The following PHYH variants were observed in gnomAD, a reference collection of about 807,000 sequenced individuals.
The protein encoded by PHYH is phytanoyl-CoA dioxygenase, peroxisomal.
PHYH carries 32 observed loss-of-function variants against 38.5 expected under a neutral mutation model. The ratio of observed to expected loss-of-function variants is 0.83; its 90% CI spans 0.63 to 1.12. The LOEUF (loss-of-function observed/expected upper bound fraction) is 1.12. PHYH is among the 50% of genes most tolerant of loss of function. The pLI is 0.00. For synonymous variants in PHYH, 166 were observed against 157.9 expected (o/e 1.05, Z -0.38); for missense variants, 426 against 434.8 (o/e 0.98, Z 0.18).
chr10:13,296,846 G>A (rs1050812505), intron 2 of PHYH, among the ~76,000 whole-genome samples: 21 of 151,160 alleles, frequency 1.4e-4, no homozygotes, highest in African/African-American at 4.6e-4. Context: ...TCCAGCTACT[G>A]GAGAGGCTGA....
At chr10:13,299,378 C>T (rs3802586) in intron 1 of PHYH, 412,563 of 967,452 alleles carry the variant, frequency 0.43, 92,216 homozygotes, top group East Asian at 0.68. Flanking sequence ...CCAGAAGAGC[C>T]GAGACAACAG....
At chr10:13,293,498 C>T (rs529997945) in intron 4 of PHYH, among the ~76,000 whole-genome samples, 222 of 152,190 alleles carry the variant, frequency 1.5e-3, no homozygotes, top group African/African-American at 5.2e-3. Context: ...GACTGGGTTT[C>T]ACCATGTGTC....
At chr10:13,290,325 A>G (rs1835675977) in intron 5 of PHYH, among the ~76,000 whole-genome samples, 1 of 151,920 alleles carries the variant, frequency 6.6e-6, no homozygotes, top group Non-Finnish European at 1.5e-5. Flanking sequence ...AAGTTATCTA[A>G]GAGGTCCTCA....
In PHYH at chr10:13,282,605, AAAG is replaced by A. The variant is rs1473869261; in HGVS notation, c.828+1082_828+1084del. 9.5e-4 allele frequency among the ~76,000 whole-genome samples: 141 copies of A among 148,344 alleles called. 8 individuals are homozygous for A. Among genetic ancestry groups the A allele is most frequent in the East Asian group, 1.8e-3 (9 of 5,086 alleles). ...AGACTCCACCTCAAAAAAAAAAAAA[AAAG>A]AAAAAAGGAAAATTGCCAAGTCTAT... On this transcript the variant is annotated intron_variant, in intron 7 of 8. Coordinates refer to ENST00000263038, the MANE Select transcript of PHYH (RefSeq NM_006214.4).
intron 4 of PHYH, among the ~76,000 whole-genome samples, chr10:13,293,334 G>A (rs754652847): frequency 7.2e-5 from 11 of 151,792 alleles, no homozygotes; most frequent in Admixed American, 1.3e-4. Context: ...ATGGAGTCTC[G>A]CTCTGTTGCC....
At chr10:13,285,606 CT>C (rs36040564) in intron 6 of PHYH, among the ~76,000 whole-genome samples, 133 of 127,488 alleles carry the variant, frequency 1.0e-3, no homozygotes, top group Admixed American at 1.7e-3. Flanking sequence ...CTTTTCTTTT[CT>C]TTTTTTTTTT....
At chr10:13,299,364 G>T in intron 1 of PHYH, 1 of 895,430 alleles carries the variant, frequency 1.1e-6, no homozygotes, top group East Asian at 1.2e-4. Context: ...CCTGGCCTTG[G>T]CCCCCAGAAG....
At chr10:13,286,014 C>T (rs1835540436) in intron 6 of PHYH, among the ~76,000 whole-genome samples, 1 of 151,402 alleles carries the variant, frequency 6.6e-6, no homozygotes, top group African/African-American at 2.4e-5. Context: ...CTCAAGTAAT[C>T]CTCCTGCCTC....
intron 6 of PHYH, 32 bp downstream of exon 6, chr10:13,288,328 C>T (rs778097925): frequency 2.5e-6 from 4 of 1,602,104 alleles, no homozygotes; most frequent in East Asian, 2.2e-5. Context: ...GAAGGAGATT[C>T]GGATCAAGAC....
intron 5 of PHYH, among the ~76,000 whole-genome samples, chr10:13,290,632 C>T (rs903431439): frequency 5.3e-5 from 8 of 152,120 alleles, no homozygotes; most frequent in South Asian, 4.1e-4. Flanking sequence ...AACTCCTGGG[C>T]TCCAGCGATC....
At chr10:13,287,997 T>C (rs1182271962) in intron 6 of PHYH, among the ~76,000 whole-genome samples, 6 of 152,208 alleles carry the variant, frequency 3.9e-5, no homozygotes, top group South Asian at 4.1e-4. Context: ...CTGGCCAACA[T>C]GGCAAAACCC....
chr10:13,282,916 G>A (rs1200460081), intron 7 of PHYH, among the ~76,000 whole-genome samples: 1 of 151,956 alleles, frequency 6.6e-6, no homozygotes, highest in Non-Finnish European at 1.5e-5. Context: ...ACCCTGATGA[G>A]GCTGGTGGAA....
intron 6 of PHYH, among the ~76,000 whole-genome samples, chr10:13,285,295 T>C: frequency 6.6e-6 from 1 of 151,934 alleles, no homozygotes; most frequent in Non-Finnish European, 1.5e-5. Flanking sequence ...GCAATTCTCC[T>C]ACCTCAGCCT....
intron 1 of PHYH, among the ~76,000 whole-genome samples, chr10:13,298,702 GA>G (rs1564430645): frequency 8.5e-6 from 1 of 117,254 alleles, no homozygotes; most frequent in African/African-American, 3.1e-5. Context: ...CTCCATCTCA[GA>G]AAAAAAACTA....
At chr10:13,288,244 A>T in intron 6 of PHYH, 116 bp downstream of exon 6, 1 of 920,462 alleles carries the variant, frequency 1.1e-6, no homozygotes, top group Non-Finnish European at 1.8e-6. Context: ...ATCTTAGGAC[A>T]ATGTTTTGCT....
At chr10:13,279,255 C>A (rs1253344334) in intron 8 of PHYH, among the ~76,000 whole-genome samples, 1 of 151,992 alleles carries the variant, frequency 6.6e-6, no homozygotes, top group African/African-American at 2.4e-5. Flanking sequence ...GCCTCAAACA[C>A]CCAAAGTGCT....
chr10:13,285,116 T>A (rs1042257639), intron 6 of PHYH, among the ~76,000 whole-genome samples: 1 of 152,190 alleles, frequency 6.6e-6, no homozygotes, highest in Non-Finnish European at 1.5e-5. Flanking sequence ...TATATCAGGA[T>A]CCAGACACTC....
At chr10:13,292,541 C>A (rs1278608441) in intron 4 of PHYH, among the ~76,000 whole-genome samples, 1 of 152,092 alleles carries the variant, frequency 6.6e-6, no homozygotes, top group Non-Finnish European at 1.5e-5. Context: ...CATGGGGAAC[C>A]GTGACAGGGA....
chr10:13,282,995 T>C (rs934674752), intron 7 of PHYH, among the ~76,000 whole-genome samples: 1 of 79,086 alleles, frequency 1.3e-5, no homozygotes, highest in African/African-American at 7.3e-5. Flanking sequence ...TGATTTTTTC[T>C]TTTTTAGTAG....
Sources: allele counts gnomAD v4.1 joint callset (sites outside exome capture counted in the v4.1 genomes callset), GRCh38; gene constraint gnomAD v4.1.1; transcripts MANE v1.5; gene names NCBI Gene and HGNC (gene_info 2026-07-23, HGNC 2026-07-21).